Variants in PEAK1 observed in about 807,000 individuals in gnomAD.
PEAK1 encodes the protein pseudopodium enriched atypical kinase 1, also known as inactive tyrosine-protein kinase PEAK1.
A neutral mutation model predicts 124.7 loss-of-function variants in PEAK1; 54 were observed. That is an observed-to-expected ratio of 0.43 (90% CI 0.35 to 0.54). PEAK1 has a LOEUF of 0.54. Among genes scored for constraint, PEAK1 ranks in the 20% least tolerant of loss-of-function variants. PEAK1 has a pLI of 0.01. For missense variants in PEAK1, 2,046 were observed against 2,134.5 expected, an observed-to-expected ratio of 0.96 and a Z score of 0.82; for synonymous variants, 719 against 760.0, an observed-to-expected ratio of 0.95 and a Z score of 0.89.
chr15:77,214,412 G>GC (rs1178743408), intron 6 of PEAK1, among the ~76,000 whole-genome samples: 3 of 151,338 alleles, frequency 2.0e-5, no homozygotes, highest in Non-Finnish European at 4.4e-5. Flanking sequence ...GTCAGGAGAT[G>GC]GAGACCATCC....
chr15:77,370,748 C>A (rs914644320), intron 1 of PEAK1: 1 of 984,780 alleles, frequency 1.0e-6, no homozygotes, highest in African/African-American at 1.7e-5. Flanking sequence ...TCCAACACAT[C>A]GAGCCAGGCA....
intron 5 of PEAK1, among the ~76,000 whole-genome samples, chr15:77,267,449 T>C (rs566109522): frequency 5.9e-5 from 9 of 152,216 alleles, no homozygotes; most frequent in African/African-American, 1.2e-4. Flanking sequence ...GGAACCCTCA[T>C]AGTATCCACT....
chr15:77,255,411 AG>A (rs2061080472), intron 5 of PEAK1: 2 of 977,578 alleles, frequency 2.0e-6, no homozygotes, highest in African/African-American at 3.5e-5. Context: ...TGAAAACAAA[AG>A]TTCTTCTCTC....
exon 7 of PEAK1, chr15:77,102,740 G>GT (rs1210523083): frequency 5.3e-5 from 8 of 151,998 alleles, no homozygotes; most frequent in African/African-American, 1.5e-4. Context: ...ACATTGATCT[G>GT]TTTTTTCTTG....
At chr15:77,171,103 A>T (rs1248517995) in intron 7 of PEAK1, among the ~76,000 whole-genome samples, 2 of 140,774 alleles carry the variant, frequency 1.4e-5, no homozygotes, top group African/African-American at 2.5e-5. Flanking sequence ...ATATTTTATT[A>T]AAAAAATCAT....
At chr15:77,291,323 T>G (rs1304888726) in intron 2 of PEAK1, among the ~76,000 whole-genome samples, 1 of 152,248 alleles carries the variant, frequency 6.6e-6, no homozygotes, top group African/African-American at 2.4e-5. Flanking sequence ...AGCTGTCATA[T>G]TCAAGCAAAT....
In PEAK1 at chr15:77,113,892, A is replaced by G; in HGVS notation, c.*264T>C. 1 of 456,160 alleles carries G rather than the reference A, an allele frequency of 2.2e-6. No individual in the cohort carries two copies. The allele number at this position is 456,160 out of a possible 1,614,324, so 28.3% of individuals were successfully genotyped here. On this transcript the variant is annotated 3_prime_UTR_variant, in exon 10 of 10. Transcript: ENST00000682557. ...TGGATTTTCATTTTTACCTGCATTT[A>G]TGGGACTATTAGGATAGAAGGTGTT...
chr15:77,243,973 TA>T (rs566829498), intron 6 of PEAK1, among the ~76,000 whole-genome samples: 1,392 of 110,334 alleles, frequency 0.013, 13 homozygotes, highest in African/African-American at 0.035. Context: ...TTTCTCAAAA[TA>T]AAAAAAAAAA....
At chr15:77,187,749 T>TA (rs1386294127) in intron 6 of PEAK1, among the ~76,000 whole-genome samples, 1 of 152,244 alleles carries the variant, frequency 6.6e-6, no homozygotes, top group Non-Finnish European at 1.5e-5. Context: ...CTCACTGCTG[T>TA]ACGTGGGCTT....
At chr15:77,261,961 T>C (rs1186345308) in intron 5 of PEAK1, among the ~76,000 whole-genome samples, 1 of 152,188 alleles carries the variant, frequency 6.6e-6, no homozygotes, top group African/African-American at 2.4e-5. Context: ...TATTCAACAT[T>C]CTTAAAGAAA....
At chr15:77,211,346 A>G (rs2058894446) in intron 6 of PEAK1, among the ~76,000 whole-genome samples, 1 of 152,218 alleles carries the variant, frequency 6.6e-6, no homozygotes, top group Non-Finnish European at 1.5e-5. Flanking sequence ...TTACACAAAT[A>G]AAGGAATACT....
At chr15:77,391,029 T>C (rs2141917139) in intron 1 of PEAK1, among the ~76,000 whole-genome samples, 1 of 152,290 alleles carries the variant, frequency 6.6e-6, no homozygotes, top group South Asian at 2.1e-4. Flanking sequence ...GATTTTAGTT[T>C]AAAGTCACAG....
intron 8 of PEAK1, among the ~76,000 whole-genome samples, chr15:77,154,519 C>G (rs1223128341): frequency 6.6e-6 from 1 of 152,122 alleles, no homozygotes; most frequent in Admixed American, 6.5e-5. Flanking sequence ...TGAATTTGAT[C>G]CTGTCATTAT....
At chr15:77,101,092 C>G (rs2050690097) in exon 7 of PEAK1, 1 of 152,412 alleles carries the variant, frequency 6.6e-6, no homozygotes, top group Admixed American at 6.5e-5. Context: ...TCCTCACCCC[C>G]CACTTCCCAT....
chr15:77,303,998 T>C (rs2063929698), intron 2 of PEAK1, among the ~76,000 whole-genome samples: 1 of 152,260 alleles, frequency 6.6e-6, no homozygotes, highest in Non-Finnish European at 1.5e-5. Flanking sequence ...CAGTTGACTA[T>C]ATTCATGTGA....
At position 77,297,830 on chromosome 15, in the gene PEAK1, G is replaced by A. The variant is rs1482790419; in HGVS notation, c.-602-11326C>T. The stretch of plus-strand genomic sequence containing the variant: ...TCCCAGCATTTTGGGAGGCCGAGGC[G>A]GGTGGATCATGAGGTCAGGAGATCG... On this transcript the variant is annotated intron_variant, in intron 2 of 9. Coordinates refer to ENST00000682557, the MANE Select transcript of PEAK1 (RefSeq NM_001385026.1). 1.9e-4 allele frequency among the ~76,000 whole-genome samples: 29 copies of A among 150,334 alleles called. No individual in the cohort carries two copies. The East Asian group carries it at 4.3e-3, about 22-fold the overall frequency.
At chr15:77,152,096 G>A (rs1020932868) in intron 8 of PEAK1, among the ~76,000 whole-genome samples, 14 of 152,142 alleles carry the variant, frequency 9.2e-5, no homozygotes, top group Non-Finnish European at 1.9e-4. Context: ...CCATTTTCAC[G>A]ATATTGATTC....
chr15:77,163,448 A>G (rs1359219676), intron 7 of PEAK1, among the ~76,000 whole-genome samples: 1 of 152,242 alleles, frequency 6.6e-6, no homozygotes, highest in Non-Finnish European at 1.5e-5. Flanking sequence ...TGCAGAAGCA[A>G]TCTCCTGTGG....
chr15:77,398,331 A>G (rs1366667531), intron 1 of PEAK1, among the ~76,000 whole-genome samples: 1 of 152,224 alleles, frequency 6.6e-6, no homozygotes, highest in Non-Finnish European at 1.5e-5. Flanking sequence ...ATACAGGCCA[A>G]CATCTCTGAT....
Sources: allele counts gnomAD v4.1 joint callset (sites outside exome capture counted in the v4.1 genomes callset), GRCh38; gene constraint gnomAD v4.1.1; transcripts MANE v1.5; gene names NCBI Gene and HGNC (gene_info 2026-07-23, HGNC 2026-07-21).